The following ATP8B4 variants were observed in gnomAD, a reference collection of about 807,000 sequenced individuals.
ATP8B4 encodes the protein probable phospholipid-transporting ATPase IM.
In ATP8B4, 133 loss-of-function variants were observed where a neutral mutation model predicts 145.6. The ratio of observed to expected loss-of-function variants is 0.91; its 90% confidence interval spans 0.79 to 1.05. The LOEUF (loss-of-function observed/expected upper bound fraction) is 1.05. Among genes scored for constraint, ATP8B4 ranks in the 50% least tolerant of loss-of-function variants. The probability of loss-of-function intolerance (pLI) is 0.00; values close to 1 mark genes in which losing one functional copy is unlikely to be tolerated. For synonymous variants in ATP8B4, 507 were observed against 492.9 expected (o/e 1.03, Z -0.38); for missense variants, 1,458 against 1,425.2 (o/e 1.02, Z -0.37).
intron 1 of ATP8B4, among the ~76,000 whole-genome samples, chr15:50,163,842 C>G (rs1449422944): frequency 1.3e-5 from 2 of 152,164 alleles, no homozygotes; most frequent in Non-Finnish European, 2.9e-5. Flanking sequence ...ACCCAAGCTG[C>G]AAGACAAAGT....
chr15:50,133,267 C>T (rs2044073055), intron 1 of ATP8B4, among the ~76,000 whole-genome samples: 1 of 152,250 alleles, frequency 6.6e-6, no homozygotes, highest in Middle Eastern at 3.4e-3. Context: ...ATAATTCTCA[C>T]TTACATGTGA....
chr15:50,147,515 C>T (rs1195530478), intron 1 of ATP8B4, among the ~76,000 whole-genome samples: 2 of 151,924 alleles, frequency 1.3e-5, no homozygotes, highest in African/African-American at 2.4e-5. Flanking sequence ...TATACCTGCA[C>T]CCTGGCTTCC....
chr15:50,069,689 ATTGTT>A (rs1410489522), intron 3 of ATP8B4, among the ~76,000 whole-genome samples: 1 of 152,084 alleles, frequency 6.6e-6, no homozygotes, highest in Non-Finnish European at 1.5e-5. Context: ...TGGTTGGTTG[ATTGTT>A]TTTTTGTTTT....
At chr15:49,905,736 A>G (rs1413831102) in intron 20 of ATP8B4, among the ~76,000 whole-genome samples, 1 of 152,126 alleles carries the variant, frequency 6.6e-6, no homozygotes, top group Non-Finnish European at 1.5e-5. Flanking sequence ...CTTCTCATTA[A>G]AAAAGATAAT....
chr15:49,863,875 T>G (rs1415118180), intron 26 of ATP8B4, among the ~76,000 whole-genome samples: 1 of 152,138 alleles, frequency 6.6e-6, no homozygotes, highest in East Asian at 1.9e-4. Context: ...TCACTGGAGC[T>G]CAGTAATTAA....
chr15:50,154,032 A>G (rs2044382468), intron 1 of ATP8B4, among the ~76,000 whole-genome samples: 1 of 152,236 alleles, frequency 6.6e-6, no homozygotes, highest in African/African-American at 2.4e-5. Context: ...TTAGAAAGAC[A>G]TAAATAATTC....
At chr15:49,948,976 G>T (rs1327030766) in intron 14 of ATP8B4, among the ~76,000 whole-genome samples, 1 of 152,176 alleles carries the variant, frequency 6.6e-6, no homozygotes, top group Non-Finnish European at 1.5e-5. Flanking sequence ...TCAGATGGTT[G>T]TAAATGTGTG....
chr15:50,020,856 AGT>A (rs2049493736), intron 6 of ATP8B4, among the ~76,000 whole-genome samples: 2 of 152,270 alleles, frequency 1.3e-5, no homozygotes, highest in Non-Finnish European at 2.9e-5. Flanking sequence ...TAGTAATGGT[AGT>A]ATGGCTAAAT....
chr15:50,131,777 A>G (rs1467719796), intron 1 of ATP8B4, among the ~76,000 whole-genome samples: 1 of 148,766 alleles, frequency 6.7e-6, no homozygotes, highest in Non-Finnish European at 1.5e-5. Context: ...ATATTAACTG[A>G]AATATAAATA....
At chr15:49,860,580 A>G in intron 27 of ATP8B4, 105 bp from the exon 28 acceptor site, 1 of 1,313,052 alleles carries the variant, frequency 7.6e-7, no homozygotes, top group Non-Finnish European at 1.0e-6. Flanking sequence ...AAGTAAAAAC[A>G]ACATTGCAAA....
At chr15:49,875,403 G>T (rs980461895) in intron 25 of ATP8B4, among the ~76,000 whole-genome samples, 1 of 152,216 alleles carries the variant, frequency 6.6e-6, no homozygotes, top group Non-Finnish European at 1.5e-5. Context: ...GGAGAATCCA[G>T]AGAATTGGAA....
intron 14 of ATP8B4, among the ~76,000 whole-genome samples, chr15:49,954,862 C>T (rs1349700447): frequency 6.6e-6 from 1 of 152,150 alleles, no homozygotes; most frequent in Non-Finnish European, 1.5e-5. Flanking sequence ...ACCAAAAGGA[C>T]ACCTACACCC....
At chr15:49,884,186 A>C (rs890513755) in intron 23 of ATP8B4, among the ~76,000 whole-genome samples, 3 of 152,128 alleles carry the variant, frequency 2.0e-5, no homozygotes, top group African/African-American at 7.2e-5. Context: ...GGGTCCTGAG[A>C]TCACAAAGTT....
intron 1 of ATP8B4, among the ~76,000 whole-genome samples, chr15:50,170,811 G>A (rs1411915462): frequency 6.6e-6 from 1 of 152,168 alleles, no homozygotes; most frequent in South Asian, 2.1e-4. Flanking sequence ...GCTTTCAGGA[G>A]ACTCACCTAA....
intron 3 of ATP8B4, among the ~76,000 whole-genome samples, chr15:50,057,057 T>C (rs2153618295): frequency 6.6e-6 from 1 of 152,264 alleles, no homozygotes; most frequent in East Asian, 1.9e-4. Flanking sequence ...GTGAGGAACA[T>C]GCTCATAAAC....
chr15:49,888,083 G>A (rs889381394), intron 23 of ATP8B4, among the ~76,000 whole-genome samples: 1 of 152,172 alleles, frequency 6.6e-6, no homozygotes, highest in Non-Finnish European at 1.5e-5. Flanking sequence ...AAAACACATT[G>A]TGGAATAAAT....
At chr15:49,924,813 T>C (rs560771049) in intron 16 of ATP8B4, among the ~76,000 whole-genome samples, 8 of 152,272 alleles carry the variant, frequency 5.3e-5, no homozygotes, top group Middle Eastern at 3.4e-3. Context: ...AACCCCTACA[T>C]TGGGGAAAAA....
chr15:50,029,062 G>A (rs2050220018), intron 6 of ATP8B4, among the ~76,000 whole-genome samples: 1 of 151,428 alleles, frequency 6.6e-6, no homozygotes, highest in African/African-American at 2.4e-5. Context: ...GTAAAACCCC[G>A]TATCTACTAA....
chr15:49,868,349 T>C (rs566847461), intron 25 of ATP8B4, among the ~76,000 whole-genome samples: 4 of 152,320 alleles, frequency 2.6e-5, no homozygotes, highest in Admixed American at 6.5e-5. Context: ...CAATATATCA[T>C]GTAAATGTAA....
Sources: allele counts gnomAD v4.1 joint callset (sites outside exome capture counted in the v4.1 genomes callset), GRCh38; gene constraint gnomAD v4.1.1; transcripts MANE v1.5; gene names NCBI Gene and HGNC (gene_info 2026-07-23, HGNC 2026-07-21).